The following ZFHX3 variants were observed in gnomAD, a reference collection of about 807,000 sequenced individuals.
ZFHX3 encodes zinc finger homeobox protein 3.
A neutral mutation model predicts 279.1 loss-of-function variants in ZFHX3; 42 were observed. The observed-to-expected ratio is 0.15, with a 90% CI of 0.12 to 0.19. ZFHX3 has a LOEUF of 0.19. Among genes scored for constraint, ZFHX3 ranks in the 10% least tolerant of loss-of-function variants. The pLI is 1.00. For synonymous variants in ZFHX3, 2,293 were observed against 1,957.8 expected, an observed-to-expected ratio of 1.17 and a Z score of -4.52; for missense variants, 4,981 against 4,754.0, an observed-to-expected ratio of 1.05 and a Z score of -1.40.
intron 2 of ZFHX3, among the ~76,000 whole-genome samples, chr16:73,465,553 A>G (rs960504784): frequency 6.6e-6 from 1 of 151,510 alleles, no homozygotes; most frequent in Non-Finnish European, 1.5e-5. Context: ...CATCGTCCAC[A>G]CTCTCTAGCT....
intron 1 of ZFHX3, among the ~76,000 whole-genome samples, chr16:72,962,808 G>A (rs1352135831): frequency 6.6e-6 from 1 of 151,992 alleles, no homozygotes; most frequent in Non-Finnish European, 1.5e-5. Context: ...TACCTGTATT[G>A]CTAGGTAACC....
In ZFHX3 at chr16:73,025,053, CT is replaced by C. The variant is rs534770184; in HGVS notation, c.-50+22698del. 2.5e-3 allele frequency among the ~76,000 whole-genome samples: 378 copies of C among 152,284 alleles called. 1 individual carries two copies. Among genetic ancestry groups the C allele is most frequent in the African/African-American group, 8.5e-3 (355 of 41,556 alleles). ...GCATGTATCCATTATAAGGATCTAACTTTTTTATGGAGAGGAGAAAGTTCCC... is the reference window on the plus strand; with the variant it reads ...GCATGTATCCATTATAAGGATCTAACTTTTTATGGAGAGGAGAAAGTTCCC... On this transcript the variant is annotated intron_variant, in intron 1 of 9. Coordinates refer to ENST00000268489, the MANE Select transcript of ZFHX3 (RefSeq NM_006885.4).
chr16:73,616,136 A>G (rs1016425570), intron 2 of ZFHX3, among the ~76,000 whole-genome samples: 1 of 152,038 alleles, frequency 6.6e-6, no homozygotes, highest in Non-Finnish European at 1.5e-5. Flanking sequence ...GTTGTCAACT[A>G]GAGATGAAAG....
At chr16:73,221,077 G>A (rs1025765688) in intron 5 of ZFHX3, among the ~76,000 whole-genome samples, 11 of 152,174 alleles carry the variant, frequency 7.2e-5, no homozygotes, top group African/African-American at 2.7e-4. Flanking sequence ...TAGGGACAAA[G>A]ACTCTTGGGA....
At chr16:72,843,536 A>T (rs1238769472) in intron 4 of ZFHX3, among the ~76,000 whole-genome samples, 5 of 150,286 alleles carry the variant, frequency 3.3e-5, no homozygotes, top group South Asian at 2.1e-4. Flanking sequence ...AAAAAAAAAA[A>T]AAAGCCACAC....
intron 3 of ZFHX3, among the ~76,000 whole-genome samples, chr16:72,912,528 C>T (rs1456864778): frequency 6.6e-6 from 1 of 151,940 alleles, no homozygotes; most frequent in East Asian, 1.9e-4. Context: ...GCTTCTAAGG[C>T]GTATGATCAG....
In ZFHX3 at chr16:73,764,938, C is replaced by T. The variant is rs191303086; in HGVS notation, c.-1607-84698G>A. 1.1e-3 allele frequency among the ~76,000 whole-genome samples: 165 copies of T among 152,280 alleles called. 1 individual carries two copies. The South Asian group carries it at 0.014, about 13-fold the overall frequency. On this transcript the variant is annotated intron_variant, in intron 1 of 17. Coordinates refer to the ZFHX3 transcript ENST00000641206. ...GTGTCCTCTAGAAGTCAATGCCTCA[C>T]CAGTTCAGGATTATCTCAACGCCTG...
chr16:73,380,854 G>A (rs2016808046), intron 3 of ZFHX3, among the ~76,000 whole-genome samples: 1 of 152,008 alleles, frequency 6.6e-6, no homozygotes, highest in African/African-American at 2.4e-5. Flanking sequence ...GAGGAACTTG[G>A]ACCCAGAGTT....
intron 2 of ZFHX3, among the ~76,000 whole-genome samples, chr16:73,623,267 A>C (rs940848444): frequency 6.6e-6 from 1 of 151,790 alleles, no homozygotes; most frequent in Non-Finnish European, 1.5e-5. Context: ...CAATCTCCTG[A>C]CCTCGTGATC....
chr16:73,366,399 A>G (rs2016528883), intron 3 of ZFHX3, among the ~76,000 whole-genome samples: 1 of 152,118 alleles, frequency 6.6e-6, no homozygotes, highest in South Asian at 2.1e-4. Context: ...AATCTGCTCT[A>G]TTTTGATTCC....
intron 4 of ZFHX3, among the ~76,000 whole-genome samples, chr16:73,259,809 G>A (rs914074200): frequency 8.5e-5 from 13 of 152,094 alleles, no homozygotes; most frequent in East Asian, 3.9e-4. Context: ...ATATGCACAC[G>A]CATTATTTTT....
intron 4 of ZFHX3, among the ~76,000 whole-genome samples, chr16:73,302,737 G>A (rs2015085706): frequency 6.6e-6 from 1 of 152,182 alleles, no homozygotes. Context: ...GACTGTCAAG[G>A]CCGGTGGGTG....
chr16:73,501,387 G>A (rs2019236660), intron 2 of ZFHX3, among the ~76,000 whole-genome samples: 1 of 152,170 alleles, frequency 6.6e-6, no homozygotes, highest in Admixed American at 6.5e-5. Context: ...TATTAAATAA[G>A]CCAACTGTTT....
At chr16:73,136,760 A>C in intron 6 of ZFHX3, among the ~76,000 whole-genome samples, 1 of 150,118 alleles carries the variant, frequency 6.7e-6, no homozygotes, top group East Asian at 1.9e-4. Flanking sequence ...AGTAATGGCC[A>C]AAACTGCAAT....
At chr16:73,130,884 AG>A in intron 7 of ZFHX3, 1 of 1,161,422 alleles carries the variant, frequency 8.6e-7, no homozygotes, top group African/African-American at 1.6e-5. Flanking sequence ...CTGGGATCAC[AG>A]GGGTGAGCCA....
At chr16:72,854,869 A>G (rs2037712284) in intron 4 of ZFHX3, among the ~76,000 whole-genome samples, 2 of 148,064 alleles carry the variant, frequency 1.4e-5, no homozygotes, top group South Asian at 4.4e-4. Flanking sequence ...GGCTGGCATA[A>G]TTAGTGTCAA....
chr16:72,875,951 T>C (rs1021621191), intron 4 of ZFHX3, among the ~76,000 whole-genome samples: 1 of 152,178 alleles, frequency 6.6e-6, no homozygotes, highest in Non-Finnish European at 1.5e-5. Context: ...GCCCCGGTGA[T>C]TTTTGACAAT....
intron 1 of ZFHX3, among the ~76,000 whole-genome samples, chr16:73,720,776 C>T (rs61206830): frequency 0.05 from 7,658 of 152,180 alleles, 265 homozygotes; most frequent in African/African-American, 0.078. Context: ...TTTCAACAAA[C>T]GATTACTGAT....
rs542016117 is a variant in ZFHX3, at chr16:73,046,419, C to T, written c.-50+1333G>A. ...GTTACCTTGGAAGGTGTATGTTTTC[C>T]TACCCAATGCAGTCCCCACCACAGC... On this transcript the variant is annotated intron_variant, in intron 1 of 9. Transcript: ENST00000268489. Among the ~76,000 whole-genome samples, 30 of 152,234 alleles carry T rather than the reference C, an allele frequency of 2.0e-4. No individual in the cohort carries two copies. The South Asian group carries it at 3.5e-3, about 18-fold the overall frequency.
Sources: allele counts gnomAD v4.1 joint callset (sites outside exome capture counted in the v4.1 genomes callset), GRCh38; gene constraint gnomAD v4.1.1; transcripts MANE v1.5; gene names NCBI Gene and HGNC (gene_info 2026-07-23, HGNC 2026-07-21).